Variants in C6 observed in about 807,000 individuals in gnomAD.
C6 encodes complement C6.
In C6, 101 loss-of-function variants were observed where a neutral mutation model predicts 112.9. The ratio of observed to expected loss-of-function variants is 0.89; its 90% confidence interval spans 0.76 to 1.06. C6 has a LOEUF of 1.06. Ranked by LOEUF, C6 falls within the 50% of genes least tolerant of loss-of-function variation. C6 has a pLI of 0.00. For missense variants in C6, 1,202 were observed against 1,104.6 expected (o/e 1.09, Z -1.25); for synonymous variants, 431 against 384.1 (o/e 1.12, Z -1.43).
rs530893559 is a variant in C6, at chr5:41,173,463, A to G, written c.1169-1116T>C. Among the ~76,000 whole-genome samples, 37 of 152,270 alleles carry G rather than the reference A, an allele frequency of 2.4e-4. 1 individual carries two copies. The highest frequency in any genetic ancestry group is 8.7e-4 in the African/African-American group (36 of 41,556). On this transcript the variant is annotated intron_variant, in intron 8 of 17. Transcript: ENST00000337836. ...GGGAAATCAACATTTTCTTTTTCTT[A>G]ACAGCTTCCCCAGGCACCTGACTCA...
intron 10 of C6, 30 bp downstream of exon 10, chr5:41,161,663 T>A: frequency 6.3e-7 from 1 of 1,594,328 alleles, no homozygotes; most frequent in Non-Finnish European, 8.6e-7. Context: ...CTACTTTAGA[T>A]CTCTTACCTG....
At chr5:41,258,735 G>A (rs1214593447) in intron 1 of C6, among the ~76,000 whole-genome samples, 1 of 152,146 alleles carries the variant, frequency 6.6e-6, no homozygotes, top group Non-Finnish European at 1.5e-5. Context: ...TTGAATCACA[G>A]TATCACATAG....
At chr5:41,181,676 C>T (rs754641605) in intron 6 of C6, 117 bp from the exon 7 acceptor site, 1 of 861,384 alleles carries the variant, frequency 1.2e-6, no homozygotes, top group Non-Finnish European at 1.9e-6. Context: ...TTATTGAGGA[C>T]ACATTTTGCT....
intron 10 of C6, among the ~76,000 whole-genome samples, chr5:41,161,446 T>G (rs1312105699): frequency 2.0e-5 from 3 of 152,130 alleles, no homozygotes; most frequent in African/African-American, 7.2e-5. Context: ...ATTCACTAAG[T>G]TCCATTTCCT....
At chr5:41,258,874 A>G (rs2150446949) in intron 1 of C6, among the ~76,000 whole-genome samples, 1 of 152,272 alleles carries the variant, frequency 6.6e-6, no homozygotes, top group Middle Eastern at 3.4e-3. Flanking sequence ...CATGAGATTC[A>G]CTTATTGTCA....
chr5:41,201,200 A>G (rs1030080729), intron 3 of C6, among the ~76,000 whole-genome samples: 1 of 152,114 alleles, frequency 6.6e-6, no homozygotes. Context: ...TCCACAAAAC[A>G]TCCAAAATCC....
intron 5 of C6, among the ~76,000 whole-genome samples, chr5:41,188,534 A>G (rs1408669467): frequency 6.6e-6 from 1 of 152,034 alleles, no homozygotes; most frequent in Non-Finnish European, 1.5e-5. Context: ...AAATAGTCCT[A>G]AATGAATGGT....
upstream of C6, among the ~76,000 whole-genome samples, chr5:41,217,827 A>G (rs1372325900): frequency 6.6e-6 from 1 of 152,102 alleles, no homozygotes; most frequent in Non-Finnish European, 1.5e-5. Flanking sequence ...AGAAAAAAAA[A>G]GCCTATTGAA....
chr5:41,172,384 G>A, intron 8 of C6, 37 bp from the exon 9 acceptor site: 1 of 1,608,488 alleles, frequency 6.2e-7, no homozygotes, highest in Non-Finnish European at 8.5e-7. Context: ...CACTGAGAAT[G>A]CACCATTGAC....
At chr5:41,241,077 C>T (rs547408479) in intron 1 of C6, among the ~76,000 whole-genome samples, 1 of 152,152 alleles carries the variant, frequency 6.6e-6, no homozygotes, top group African/African-American at 2.4e-5. Context: ...GTCCTGAGGC[C>T]CCCAGTGGCA....
At chr5:41,166,216 T>C (rs565525682) in intron 9 of C6, among the ~76,000 whole-genome samples, 1 of 152,128 alleles carries the variant, frequency 6.6e-6, no homozygotes, top group Non-Finnish European at 1.5e-5. Flanking sequence ...ATAGTGACAA[T>C]ATTTAATAGG....
At chr5:41,160,107 AC>A (rs1441370284) in intron 11 of C6, 34 bp downstream of exon 11, 1 of 1,543,504 alleles carries the variant, frequency 6.5e-7, no homozygotes, top group Middle Eastern at 1.7e-4. Flanking sequence ...GGAGGGGAAA[AC>A]TTATCTACCT....
chr5:41,245,505 GA>G (rs60737301), intron 1 of C6, among the ~76,000 whole-genome samples: 120,895 of 151,092 alleles, frequency 0.8, 48,448 homozygotes, highest in Admixed American at 0.86. Flanking sequence ...TGGGCAAAAA[GA>G]AAAAAAAAAA....
At chr5:41,251,815 G>A (rs1741380597) in intron 1 of C6, among the ~76,000 whole-genome samples, 1 of 152,186 alleles carries the variant, frequency 6.6e-6, no homozygotes, top group African/African-American at 2.4e-5. Context: ...CTGTGCTGGA[G>A]TCTCTGCATC....
intron 8 of C6, among the ~76,000 whole-genome samples, chr5:41,173,180 A>T (rs775179777): frequency 1.5e-4 from 23 of 151,722 alleles, no homozygotes; most frequent in Non-Finnish European, 2.8e-4. Context: ...TCATTGGATG[A>T]CTCCCCATGG....
chr5:41,210,873 C>T (rs1159913430), intron 1 of C6, among the ~76,000 whole-genome samples: 2 of 152,144 alleles, frequency 1.3e-5, no homozygotes, highest in African/African-American at 4.8e-5. Flanking sequence ...TTGACCCAGC[C>T]ATCCTGTTAC....
chr5:41,220,078 A>G (rs1739074784), intron 1 of C6, among the ~76,000 whole-genome samples: 1 of 152,208 alleles, frequency 6.6e-6, no homozygotes, highest in Admixed American at 6.6e-5. Flanking sequence ...TGATGACAAG[A>G]AATAGTCTCA....
rs966032188 is a variant in C6 at position 41,236,529 on chromosome 5, G to A, written c.-21+24665C>T. Among the ~76,000 whole-genome samples, 367 of 125,286 alleles carry A rather than the reference G, an allele frequency of 2.9e-3. 3 individuals carry two copies. Among genetic ancestry groups the A allele is most frequent in the African/African-American group, 8.6e-3 (276 of 32,092 alleles). 82.2% of individuals were successfully genotyped at this position (125,286 alleles called of 152,430 possible). A position where few individuals can be genotyped will look rare whatever the true frequency, so the allele number is the denominator to read the frequency against. On this transcript the variant is annotated intron_variant, in intron 1 of 17. Transcript: ENST00000263413. ...AATAAAGATGTTCTTTGAAACCAACGAGAACAAAGACACCACATACCAGAA... is the reference window on the plus strand; with the variant it reads ...AATAAAGATGTTCTTTGAAACCAACAAGAACAAAGACACCACATACCAGAA...
chr5:41,173,876 A>C (rs771917576), intron 8 of C6, among the ~76,000 whole-genome samples: 8 of 152,178 alleles, frequency 5.3e-5, no homozygotes, highest in Non-Finnish European at 7.3e-5. Flanking sequence ...CCTAACAAAA[A>C]GATGGTTGTT....
Sources: gnomAD v4.1 joint callset for allele counts (sites outside exome capture counted in the v4.1 genomes callset) on GRCh38, gnomAD v4.1.1 for gene constraint, MANE v1.5 for transcripts, NCBI Gene and HGNC (gene_info 2026-07-23, HGNC 2026-07-21) for gene names.